The following SUGCT variants were observed in gnomAD, a reference collection of about 807,000 sequenced individuals.
SUGCT encodes succinyl-CoA:glutarate CoA-transferase.
Under a neutral mutation model 55.0 loss-of-function variants are expected in SUGCT, and 41 were observed. That is an observed-to-expected ratio of 0.74 (90% CI 0.58 to 0.97). The LOEUF (loss-of-function observed/expected upper bound fraction) is 0.97, where lower values mean the gene tolerates loss of function less well. Among genes scored for constraint, SUGCT ranks in the 50% least tolerant of loss-of-function variants. The pLI is 0.00. For missense variants in SUGCT, 568 were observed against 547.8 expected, an observed-to-expected ratio of 1.04 and a Z score of -0.37; for synonymous variants, 187 against 200.4, an observed-to-expected ratio of 0.93 and a Z score of 0.56.
chr7:40,950,917 T>C, the SUGCT span, among the ~76,000 whole-genome samples: 1 of 152,312 alleles, frequency 6.6e-6, no homozygotes, highest in Middle Eastern at 3.4e-3. Flanking sequence ...ACTACAATTC[T>C]CTTTTTTTTT....
chr7:41,017,067 G>A, the SUGCT span, among the ~76,000 whole-genome samples: 9 of 152,306 alleles, frequency 5.9e-5, no homozygotes, highest in South Asian at 2.1e-4. Flanking sequence ...TCAGCCATGC[G>A]CTTGCTCTGC....
At chr7:40,222,088 C>T (rs796546490) in intron 6 of SUGCT, among the ~76,000 whole-genome samples, 4 of 152,302 alleles carry the variant, frequency 2.6e-5, no homozygotes, top group East Asian at 1.9e-4. Flanking sequence ...TTAGAGCCTG[C>T]GCAAGCAGGC....
chr7:40,987,345 G>T, the SUGCT span, among the ~76,000 whole-genome samples: 2 of 152,148 alleles, frequency 1.3e-5, no homozygotes, highest in Non-Finnish European at 2.9e-5. Flanking sequence ...AGAATGATCA[G>T]GAGACACCAG....
intron 9 of SUGCT, among the ~76,000 whole-genome samples, chr7:40,438,962 T>C (rs1314232673): frequency 6.8e-6 from 1 of 146,990 alleles, no homozygotes; most frequent in East Asian, 2.0e-4. Flanking sequence ...ATAATAATTA[T>C]AATATACTAT....
chr7:40,971,059 G>A, the SUGCT span, among the ~76,000 whole-genome samples: 1 of 152,196 alleles, frequency 6.6e-6, no homozygotes, highest in Admixed American at 6.5e-5. Flanking sequence ...CAAAACAGAG[G>A]TTTAATTGGC....
At chr7:40,603,299 G>A (rs1044841291) in intron 12 of SUGCT, among the ~76,000 whole-genome samples, 1 of 152,142 alleles carries the variant, frequency 6.6e-6, no homozygotes, top group Non-Finnish European at 1.5e-5. Flanking sequence ...CATAATGATA[G>A]CGAAAGTGCT....
the SUGCT span, among the ~76,000 whole-genome samples, chr7:40,882,039 T>C: frequency 1.3e-5 from 2 of 152,196 alleles, no homozygotes; most frequent in African/African-American, 4.8e-5. Context: ...TCTAGTTTCC[T>C]TTTAGACAAA....
At chr7:40,234,800 T>C (rs547077542) in intron 6 of SUGCT, among the ~76,000 whole-genome samples, 1 of 151,890 alleles carries the variant, frequency 6.6e-6, no homozygotes, top group East Asian at 1.9e-4. Flanking sequence ...TCCCAGCTAC[T>C]GGGGAGGCTG....
intron 12 of SUGCT, among the ~76,000 whole-genome samples, chr7:40,579,283 A>G (rs1796948198): frequency 6.6e-6 from 1 of 152,194 alleles, no homozygotes; most frequent in South Asian, 2.1e-4. Context: ...TGGTTAAATG[A>G]ACTTAGTGAT....
the SUGCT span, among the ~76,000 whole-genome samples, chr7:40,898,029 C>A: frequency 6.6e-6 from 1 of 152,102 alleles, no homozygotes; most frequent in African/African-American, 2.4e-5. Context: ...TGTGTTCTTT[C>A]GCTTTTCAGA....
At chr7:40,986,032 G>C in the SUGCT span, among the ~76,000 whole-genome samples, 2 of 152,138 alleles carry the variant, frequency 1.3e-5, no homozygotes, top group African/African-American at 4.8e-5. Context: ...CAGTAGGCCA[G>C]TACTATATAC....
At chr7:40,446,358 A>AAAGC (rs1788836255) in intron 9 of SUGCT, among the ~76,000 whole-genome samples, 1 of 152,120 alleles carries the variant, frequency 6.6e-6, no homozygotes, top group Non-Finnish European at 1.5e-5. Flanking sequence ...TCTCCACAAA[A>AAAGC]AAGCAAGCAA....
At chr7:40,869,785 CT>C in the SUGCT span, among the ~76,000 whole-genome samples, 36 of 151,946 alleles carry the variant, frequency 2.4e-4, no homozygotes, top group African/African-American at 8.5e-4. Context: ...GTTTAATTAC[CT>C]TCAGTGTATT....
chr7:40,193,218 G>A (rs1046373501), intron 5 of SUGCT, among the ~76,000 whole-genome samples: 4 of 149,298 alleles, frequency 2.7e-5, no homozygotes, highest in African/African-American at 9.9e-5. Flanking sequence ...CTATCCCCCC[G>A]ACTCAGCCTC....
chr7:40,659,321 G>C (rs1001806602), intron 12 of SUGCT, among the ~76,000 whole-genome samples: 2 of 152,118 alleles, frequency 1.3e-5, no homozygotes, highest in Non-Finnish European at 2.9e-5. Flanking sequence ...GGGGCTGGAG[G>C]ATCTGCTTCC....
At chr7:40,966,229 G>A in the SUGCT span, 1 of 152,210 alleles carries the variant, frequency 6.6e-6, no homozygotes, top group Non-Finnish European at 1.5e-5. Context: ...CAGATTGAGA[G>A]CCAGGGTTCT....
the SUGCT span, among the ~76,000 whole-genome samples, chr7:41,005,142 T>C: frequency 6.6e-6 from 1 of 152,126 alleles, no homozygotes; most frequent in African/African-American, 2.4e-5. Context: ...ATCTGGTGCC[T>C]AGAATCAGAG....
intron 9 of SUGCT, among the ~76,000 whole-genome samples, chr7:40,419,224 T>A (rs972654554): frequency 6.6e-6 from 1 of 152,168 alleles, no homozygotes; most frequent in African/African-American, 2.4e-5. Context: ...ATGGGTTTCA[T>A]TGATTGAATT....
Position 40,530,224 on chromosome 7 carries a change from CTAATTA to C in SUGCT, c.1089+33842_1089+33847del, listed in dbSNP as rs199699937. ...TATTTTTTGTTCCTTTTGAACAATTCTAATTATAACTTATAGCAAGTTGAGTGTAGT... is the reference window on the plus strand; with the variant it reads ...TATTTTTTGTTCCTTTTGAACAATTCTAACTTATAGCAAGTTGAGTGTAGT... On this transcript the variant is annotated intron_variant, in intron 12 of 13. Coordinates refer to ENST00000335693, the MANE Select transcript of SUGCT (RefSeq NM_001193313.2). Among the ~76,000 whole-genome samples, 643 of 152,228 alleles carry C rather than the reference CTAATTA, an allele frequency of 4.2e-3. 5 individuals carry two copies. The highest frequency in any genetic ancestry group is 0.014 in the African/African-American group (563 of 41,538).
Sources: allele counts gnomAD v4.1 joint callset (sites outside exome capture counted in the v4.1 genomes callset), GRCh38; gene constraint gnomAD v4.1.1; transcripts MANE v1.5; gene names NCBI Gene and HGNC (gene_info 2026-07-23, HGNC 2026-07-21).